Variants in NRXN3 observed in about 807,000 individuals in gnomAD.
NRXN3 encodes neurexin 3.
Under a neutral mutation model 137.6 loss-of-function variants are expected in NRXN3, and 32 were observed. That is an observed-to-expected ratio of 0.23 (90% CI 0.18 to 0.31). The LOEUF is 0.31. Ranked by LOEUF, NRXN3 falls within the 10% of genes least tolerant of loss-of-function variation. NRXN3 has a pLI of 1.00. For missense variants in NRXN3, 1,574 were observed against 2,062.5 expected (o/e 0.76, Z 4.59); for synonymous variants, 798 against 784.5 (o/e 1.02, Z -0.29).
At chr14:79,764,017 G>A (rs769626054) in intron 19 of NRXN3, among the ~76,000 whole-genome samples, 2 of 147,882 alleles carry the variant, frequency 1.4e-5, no homozygotes, top group Non-Finnish European at 2.9e-5. Flanking sequence ...CTACACACAG[G>A]GAGGGTATGT....
At chr14:79,689,109 T>C (rs1375271383) in intron 17 of NRXN3, among the ~76,000 whole-genome samples, 1 of 152,152 alleles carries the variant, frequency 6.6e-6, no homozygotes, top group East Asian at 1.9e-4. Context: ...GATATTATGA[T>C]GTTTACTACT....
rs563893506 is a variant in NRXN3 at position 78,720,657 on chromosome 14, T to C, written c.2044+5518T>C. Reference sequence around the variant, plus strand: ...ATCTGTCCACTCTCTCTTCCATCTCTATCATTTTAGATCAAACCATACTTA... The same window carrying C: ...ATCTGTCCACTCTCTCTTCCATCTCCATCATTTTAGATCAAACCATACTTA... On this transcript the variant is annotated intron_variant, in intron 8 of 20. Transcript: ENST00000335750. Among the ~76,000 whole-genome samples the C allele has an allele frequency of 3.2e-4, 49 of 152,364 alleles. No homozygotes were observed. The South Asian group carries it at 8.3e-3, about 26-fold the overall frequency.
intron 15 of NRXN3, among the ~76,000 whole-genome samples, chr14:79,411,663 G>A (rs1030159373): frequency 7.2e-5 from 11 of 152,144 alleles, no homozygotes; most frequent in African/African-American, 2.7e-4. Context: ...ATGGTATGTA[G>A]TAGAGTCATA....
chr14:78,582,725 G>A (rs980045723), intron 4 of NRXN3, among the ~76,000 whole-genome samples: 52 of 152,126 alleles, frequency 3.4e-4, no homozygotes, highest in Admixed American at 1.5e-3. Context: ...ATTTGTTTTC[G>A]TTGTAAATTA....
At chr14:79,562,701 C>T (rs1167145780) in intron 16 of NRXN3, among the ~76,000 whole-genome samples, 1 of 152,112 alleles carries the variant, frequency 6.6e-6, no homozygotes, top group East Asian at 1.9e-4. Flanking sequence ...ATTCCATCAG[C>T]TTAGAAGTTA....
intron 15 of NRXN3, chr14:79,280,527 G>T (rs776853586): frequency 2.5e-6 from 4 of 1,611,660 alleles, no homozygotes; most frequent in South Asian, 2.2e-5. Context: ...GTTTCCCTTC[G>T]AGGAGGACAC....
intron 15 of NRXN3, among the ~76,000 whole-genome samples, chr14:79,063,660 C>T (rs910005283): frequency 2.6e-5 from 4 of 152,038 alleles, no homozygotes; most frequent in South Asian, 2.1e-4. Context: ...TCTATGGTGA[C>T]GAAGCGATGT....
chr14:79,537,231 T>G (rs2097220010), intron 16 of NRXN3, among the ~76,000 whole-genome samples: 1 of 152,174 alleles, frequency 6.6e-6, no homozygotes, highest in Non-Finnish European at 1.5e-5. Flanking sequence ...GAGCTTTTTT[T>G]CATGTTTGTC....
chr14:78,400,318 A>C (rs2886581), intron 4 of NRXN3, among the ~76,000 whole-genome samples: 151,538 of 152,320 alleles, frequency 0.99, 75,384 homozygotes, highest in Middle Eastern at 1. Context: ...ATTTCTATAA[A>C]CTCGAAGTAA....
chr14:79,703,053 G>T (rs1195504351), intron 19 of NRXN3, among the ~76,000 whole-genome samples: 2 of 152,028 alleles, frequency 1.3e-5, no homozygotes, highest in Non-Finnish European at 2.9e-5. Context: ...CTTGACATTG[G>T]CAACTGCTGC....
intron 10 of NRXN3, among the ~76,000 whole-genome samples, chr14:78,937,317 T>C (rs942608586): frequency 6.6e-6 from 1 of 152,206 alleles, no homozygotes. Context: ...GCAGTATGTC[T>C]GTGGTCTATA....
chr14:78,601,138 G>A (rs774476298), intron 4 of NRXN3, among the ~76,000 whole-genome samples: 1 of 152,122 alleles, frequency 6.6e-6, no homozygotes, highest in Non-Finnish European at 1.5e-5. Flanking sequence ...TTTTGCAGCT[G>A]AATTTTATTT....
chr14:78,888,732 A>G lies in NRXN3; in HGVS notation c.2276-68510A>G, dbSNP rs901027882. 3.3e-5 allele frequency among the ~76,000 whole-genome samples: 5 copies of G among 151,892 alleles called. No homozygotes were observed. The East Asian group carries it at 5.8e-4, about 18-fold the overall frequency. On this transcript the variant is annotated intron_variant, in intron 10 of 20. Transcript: ENST00000335750. ...AATTTTTATGAATTAGATTTTTAAG[A>G]TGGCTTGTAATGTACCCATACAGCC... is the stretch of plus-strand genomic sequence containing the variant.
At chr14:79,410,155 C>G (rs1363929175) in intron 15 of NRXN3, among the ~76,000 whole-genome samples, 1 of 151,554 alleles carries the variant, frequency 6.6e-6, no homozygotes, top group African/African-American at 2.4e-5. Context: ...ATTTTCATGT[C>G]TTCCTCATTA....
intron 10 of NRXN3, among the ~76,000 whole-genome samples, chr14:78,938,502 C>A (rs914742654): frequency 6.6e-6 from 1 of 152,194 alleles, no homozygotes; most frequent in East Asian, 1.9e-4. Context: ...ACTCTCCTGA[C>A]ACCATCAGTG....
chr14:79,548,258 A>T (rs1220633656), intron 16 of NRXN3, among the ~76,000 whole-genome samples: 1 of 152,080 alleles, frequency 6.6e-6, no homozygotes, highest in Non-Finnish European at 1.5e-5. Context: ...CTCGTTGTTC[A>T]ACTCCCACTT....
chr14:79,095,537 C>T (rs967249612), intron 15 of NRXN3, among the ~76,000 whole-genome samples: 3 of 138,938 alleles, frequency 2.2e-5, no homozygotes, highest in Non-Finnish European at 4.6e-5. Context: ...AATGCAATAA[C>T]ATATTTACAG....
intron 16 of NRXN3, among the ~76,000 whole-genome samples, chr14:79,526,362 A>G (rs753824766): frequency 4.6e-5 from 7 of 151,988 alleles, no homozygotes; most frequent in Non-Finnish European, 7.4e-5. Context: ...CACCTAATTT[A>G]AAAAAATTTT....
chr14:78,394,251 G>T (rs1351388852), intron 4 of NRXN3, among the ~76,000 whole-genome samples: 1 of 151,914 alleles, frequency 6.6e-6, no homozygotes, highest in Non-Finnish European at 1.5e-5. Context: ...TTAAGATGAA[G>T]AAGTTCATCT....
Sources: gnomAD v4.1 joint callset for allele counts (sites outside exome capture counted in the v4.1 genomes callset) on GRCh38, gnomAD v4.1.1 for gene constraint, MANE v1.5 for transcripts, NCBI Gene and HGNC (gene_info 2026-07-23, HGNC 2026-07-21) for gene names.